Variants in RANBP10 observed in about 807,000 individuals in gnomAD.
RANBP10 encodes the protein RAN binding protein 10.
In RANBP10, 24 loss-of-function variants were observed where a neutral mutation model predicts 72.8. The observed-to-expected ratio is 0.33, with a 90% CI of 0.24 to 0.46. The LOEUF (loss-of-function observed/expected upper bound fraction) is 0.46, where lower values mean the gene tolerates loss of function less well. Among genes scored for constraint, RANBP10 ranks in the 20% least tolerant of loss-of-function variants. The pLI, the probability that RANBP10 is intolerant of heterozygous loss-of-function variation, is 1.00. For missense variants in RANBP10, 679 were observed against 817.5 expected (o/e 0.83, Z 2.07); for synonymous variants, 310 against 322.3 (o/e 0.96, Z 0.41).
intron 3 of RANBP10, among the ~76,000 whole-genome samples, chr16:67,748,250 T>C (rs1597853828): frequency 6.6e-6 from 1 of 151,896 alleles, no homozygotes; most frequent in Non-Finnish European, 1.5e-5. Context: ...CCGGATGCAG[T>C]GGCTCAGGCC....
At chr16:67,726,747 T>C (rs540381996) in intron 13 of RANBP10, among the ~76,000 whole-genome samples, 189 bp from the exon 14 acceptor site, 1 of 152,218 alleles carries the variant, frequency 6.6e-6, no homozygotes, top group Non-Finnish European at 1.5e-5. Context: ...CTGAGGACCT[T>C]AGCCCCATGT....
At chr16:67,781,592 C>T (rs1160460760) in intron 2 of RANBP10, among the ~76,000 whole-genome samples, 1 of 152,114 alleles carries the variant, frequency 6.6e-6, no homozygotes, top group Non-Finnish European at 1.5e-5. Flanking sequence ...TTCTATATGG[C>T]AGCAAAGTGG....
At position 67,731,612 on chromosome 16, in the gene RANBP10, C is replaced by T. The variant is rs754641656; in HGVS notation, c.777-28G>A. Reference sequence around the variant, plus strand: ...AGAAGAAAGGAAGAGCTTCAGGTGACACTCAAGAACTGCACTTCTCACTGA... The same window carrying T: ...AGAAGAAAGGAAGAGCTTCAGGTGATACTCAAGAACTGCACTTCTCACTGA... On this transcript the variant is annotated intron_variant, in intron 6 of 13. Coordinates refer to ENST00000317506, the MANE Select transcript of RANBP10 (RefSeq NM_020850.3). The T allele has an allele frequency of 5.2e-6, 8 of 1,549,506 alleles. No individual in the cohort carries two copies. In the Admixed American group the frequency reaches 6.9e-5, roughly 13 times the overall value.
At chr16:67,726,869 T>A (rs1377630252) in intron 13 of RANBP10, among the ~76,000 whole-genome samples, 1 of 152,194 alleles carries the variant, frequency 6.6e-6, no homozygotes, top group Non-Finnish European at 1.5e-5. Context: ...AGGAGTCCTA[T>A]GAGTCACCAG....
intron 3 of RANBP10, among the ~76,000 whole-genome samples, chr16:67,751,349 ATT>A (rs2054192179): frequency 6.6e-6 from 1 of 152,224 alleles, no homozygotes; most frequent in African/African-American, 2.4e-5. Flanking sequence ...CGAGCACAGA[ATT>A]TTTAGATTTT....
At chr16:67,761,517 G>A (rs1567694705) in intron 3 of RANBP10, among the ~76,000 whole-genome samples, 1 of 152,204 alleles carries the variant, frequency 6.6e-6, no homozygotes, top group East Asian at 1.9e-4. Context: ...GAGAGAAAAG[G>A]TAGTTTCAAT....
intron 2 of RANBP10, among the ~76,000 whole-genome samples, chr16:67,785,387 GA>G (rs2054896886): frequency 1.3e-5 from 2 of 151,794 alleles, no homozygotes; most frequent in Non-Finnish European, 2.9e-5. Context: ...CAAAAAGGAT[GA>G]ACAAAAAGAA....
chr16:67,804,146 C>T (rs1272631178), intron 2 of RANBP10, among the ~76,000 whole-genome samples: 1 of 152,038 alleles, frequency 6.6e-6, no homozygotes, highest in African/African-American at 2.4e-5. Flanking sequence ...TCTGAATGTT[C>T]GAGAACACAC....
intron 2 of RANBP10, among the ~76,000 whole-genome samples, chr16:67,795,240 G>A (rs762992219): frequency 2.7e-5 from 4 of 150,466 alleles, no homozygotes; most frequent in Non-Finnish European, 3.0e-5. Flanking sequence ...GTGAGACCCC[G>A]CCTCAAAAAA....
chr16:67,792,701 T>G (rs925012023), intron 2 of RANBP10, among the ~76,000 whole-genome samples: 6 of 149,308 alleles, frequency 4.0e-5, no homozygotes, highest in African/African-American at 1.2e-4. Flanking sequence ...GAGAATCGCT[T>G]AAAACTGAGA....
At chr16:67,764,018 G>A (rs1030642905) in intron 3 of RANBP10, among the ~76,000 whole-genome samples, 1 of 152,136 alleles carries the variant, frequency 6.6e-6, no homozygotes, top group Non-Finnish European at 1.5e-5. Flanking sequence ...ATTTTAATCA[G>A]GAACTAGACC....
At chr16:67,795,663 C>T (rs1452042363) in intron 2 of RANBP10, among the ~76,000 whole-genome samples, 2 of 151,652 alleles carry the variant, frequency 1.3e-5, no homozygotes, top group East Asian at 2.0e-4. Context: ...GTCAGGAGAT[C>T]GAGACCACGG....
chr16:67,738,110 G>A (rs2053892978), intron 4 of RANBP10, 75 bp from the exon 5 acceptor site: 3 of 1,444,334 alleles, frequency 2.1e-6, no homozygotes, highest in African/African-American at 1.4e-5. Flanking sequence ...GGTGGAGCCA[G>A]TGCTAGGGCC....
At position 67,724,349 on chromosome 16, in the gene RANBP10, C is replaced by T. The variant is rs772975896; in HGVS notation, c.*2079G>A. 24 of 152,228 alleles carry T rather than the reference C, an allele frequency of 1.6e-4. No homozygotes were observed. The highest frequency in any genetic ancestry group is 5.9e-5 in the Non-Finnish European group (4 of 68,044). The allele number at this position is 152,228 out of a possible 1,614,324, so 9.4% of individuals were successfully genotyped here. On this transcript the variant is annotated 3_prime_UTR_variant, in exon 14 of 14. Coordinates refer to ENST00000317506, the MANE Select transcript of RANBP10 (RefSeq NM_020850.3). ...TGTGACTTTAGCCAAGTCACTTAAT[C>T]TCCTGGGCCTGTTTCCTTATTTGTA...
intron 2 of RANBP10, among the ~76,000 whole-genome samples, chr16:67,776,219 G>A (rs2054702100): frequency 6.6e-6 from 1 of 151,870 alleles, no homozygotes; most frequent in African/African-American, 2.4e-5. Flanking sequence ...CAGCACTTTG[G>A]GAGGCTGAGG....
At chr16:67,788,731 T>G (rs2054966671) in intron 2 of RANBP10, among the ~76,000 whole-genome samples, 1 of 151,132 alleles carries the variant, frequency 6.6e-6, no homozygotes, top group South Asian at 2.1e-4. Context: ...ACGCGCACAG[T>G]GGCTCACACC....
At chr16:67,806,263 G>T in intron 1 of RANBP10, 39 bp downstream of exon 1, 1 of 1,547,818 alleles carries the variant, frequency 6.5e-7, no homozygotes, top group Non-Finnish European at 8.8e-7. Context: ...CCCCACGGAC[G>T]CTCTAGCCTT....
intron 2 of RANBP10, among the ~76,000 whole-genome samples, chr16:67,793,365 A>T (rs1262540191): frequency 6.8e-6 from 1 of 147,722 alleles, no homozygotes; most frequent in Admixed American, 6.9e-5. Flanking sequence ...TGGCTGGAGC[A>T]CAATGGCACG....
chr16:67,799,285 CTT>C (rs869030467), intron 2 of RANBP10, among the ~76,000 whole-genome samples: 14 of 113,968 alleles, frequency 1.2e-4, no homozygotes, highest in East Asian at 5.0e-4. Flanking sequence ...CTCCACATCT[CTT>C]TTTTTTTTTT....
Sources: gnomAD v4.1 joint callset for allele counts (sites outside exome capture counted in the v4.1 genomes callset) on GRCh38, gnomAD v4.1.1 for gene constraint, MANE v1.5 for transcripts, NCBI Gene and HGNC (gene_info 2026-07-23, HGNC 2026-07-21) for gene names.